MTSS1: variants seen among roughly 807,000 people sequenced by gnomAD.
MTSS1 encodes the protein MTSS I-BAR domain containing 1.
MTSS1 carries 18 observed loss-of-function variants against 79.0 expected under a neutral mutation model. The ratio of observed to expected loss-of-function variants is 0.23; its 90% CI spans 0.16 to 0.34. The LOEUF (loss-of-function observed/expected upper bound fraction) is 0.34. Ranked by LOEUF, MTSS1 falls within the 10% of genes least tolerant of loss-of-function variation. The probability of loss-of-function intolerance (pLI) is 1.00; values close to 1 mark genes in which losing one functional copy is unlikely to be tolerated. For missense variants in MTSS1, 815 were observed against 986.2 expected (o/e 0.83, Z 2.33); for synonymous variants, 341 against 368.6 (o/e 0.93, Z 0.86).
chr8:124,722,243 T>A (rs186363681), intron 1 of MTSS1, among the ~76,000 whole-genome samples: 3 of 152,226 alleles, frequency 2.0e-5, no homozygotes, highest in African/African-American at 7.2e-5. Flanking sequence ...GCCCATCCAC[T>A]TCTTCAAACA....
chr8:124,676,966 G>A (rs1216964444), intron 3 of MTSS1, among the ~76,000 whole-genome samples: 4 of 152,128 alleles, frequency 2.6e-5, no homozygotes, highest in Non-Finnish European at 5.9e-5. Flanking sequence ...TTCTCATACT[G>A]TGTTCCCCAT....
intron 7 of MTSS1, chr8:124,567,500 AG>A: frequency 1.2e-6 from 1 of 864,320 alleles, no homozygotes; most frequent in East Asian, 2.8e-5. Context: ...CCTGCAGCAC[AG>A]CCCTCTTCAT....
At chr8:124,600,533 A>T (rs1833610814) in intron 3 of MTSS1, among the ~76,000 whole-genome samples, 2 of 152,224 alleles carry the variant, frequency 1.3e-5, no homozygotes, top group Admixed American at 6.5e-5. Flanking sequence ...AGAGAAAATA[A>T]GGAGCACTGG....
chr8:124,696,279 G>A (rs547454474), intron 3 of MTSS1, among the ~76,000 whole-genome samples: 7 of 152,106 alleles, frequency 4.6e-5, no homozygotes, highest in Admixed American at 2.6e-4. Flanking sequence ...GAGCCACTGC[G>A]CCCAGCCTAC....
intron 3 of MTSS1, among the ~76,000 whole-genome samples, chr8:124,657,786 T>C (rs1441172892): frequency 6.6e-6 from 1 of 152,212 alleles, no homozygotes; most frequent in Non-Finnish European, 1.5e-5. Context: ...TACCCATTAT[T>C]GGCCCATTTC....
chr8:124,648,951 C>T (rs1819484398), intron 3 of MTSS1, among the ~76,000 whole-genome samples: 1 of 152,242 alleles, frequency 6.6e-6, no homozygotes, highest in Admixed American at 6.5e-5. Flanking sequence ...AGACATACTC[C>T]AAGTAGGAAT....
At chr8:124,677,823 TTAG>T (rs1825553515) in intron 3 of MTSS1, among the ~76,000 whole-genome samples, 1 of 152,210 alleles carries the variant, frequency 6.6e-6, no homozygotes, top group African/African-American at 2.4e-5. Context: ...AAAGAGTCCT[TTAG>T]TCACCTGTTG....
chr8:124,569,606 C>A (rs530461878), intron 6 of MTSS1, among the ~76,000 whole-genome samples: 3 of 152,234 alleles, frequency 2.0e-5, no homozygotes, highest in Non-Finnish European at 2.9e-5. Flanking sequence ...AGGGGCCTTA[C>A]CTATCACTCA....
intron 3 of MTSS1, among the ~76,000 whole-genome samples, chr8:124,607,392 A>C (rs1419515506): frequency 6.6e-6 from 1 of 152,054 alleles, no homozygotes; most frequent in African/African-American, 2.4e-5. Flanking sequence ...CCTCCTCTCT[A>C]TCTCTTCAAT....
intron 3 of MTSS1, among the ~76,000 whole-genome samples, chr8:124,646,541 T>G (rs944958122): frequency 6.6e-6 from 1 of 152,190 alleles, no homozygotes; most frequent in Non-Finnish European, 1.5e-5. Flanking sequence ...AGACAACTTG[T>G]AAGAAATGCA....
intron 3 of MTSS1, among the ~76,000 whole-genome samples, chr8:124,650,265 A>G (rs570423399): frequency 6.6e-6 from 1 of 152,184 alleles, no homozygotes; most frequent in South Asian, 2.1e-4. Flanking sequence ...TCCTGACCTC[A>G]TGATCTGCTT....
At chr8:124,656,370 A>G (rs1344249087) in intron 3 of MTSS1, among the ~76,000 whole-genome samples, 2 of 152,222 alleles carry the variant, frequency 1.3e-5, no homozygotes, top group Non-Finnish European at 2.9e-5. Flanking sequence ...ATCCATTCAT[A>G]GGAGGAAAAC....
chr8:124,670,709 C>T (rs1180154503), intron 3 of MTSS1, among the ~76,000 whole-genome samples: 1 of 152,080 alleles, frequency 6.6e-6, no homozygotes, highest in African/African-American at 2.4e-5. Flanking sequence ...GCAGTGAAGT[C>T]AGAGGTTAAG....
chr8:124,562,324 C>G (rs1009468007), intron 10 of MTSS1, among the ~76,000 whole-genome samples: 2 of 152,192 alleles, frequency 1.3e-5, no homozygotes, highest in Admixed American at 1.3e-4. Flanking sequence ...ATTCTCAACA[C>G]AGATTGATAA....
chr8:124,674,731 C>CT (rs112138254), intron 3 of MTSS1, among the ~76,000 whole-genome samples: 91 of 149,344 alleles, frequency 6.1e-4, no homozygotes, highest in African/African-American at 1.3e-3. Context: ...TCTTATCATT[C>CT]TTTTTTTTTT....
chr8:124,697,423 G>T (rs1199106815), intron 3 of MTSS1, among the ~76,000 whole-genome samples: 1 of 152,106 alleles, frequency 6.6e-6, no homozygotes, highest in Non-Finnish European at 1.5e-5. Flanking sequence ...AGTCGGGCGT[G>T]GTGGCACATG....
chr8:124,552,894 A>G lies in MTSS1; in HGVS notation c.*98T>C. The G allele has an allele frequency of 7.8e-7, 1 of 1,288,716 alleles. No homozygotes were observed. The highest frequency in any genetic ancestry group is 2.4e-5 in the East Asian group (1 of 42,288). 79.8% of individuals were successfully genotyped at this position (1,288,716 alleles called of 1,614,324 possible). On this transcript the variant is annotated 3_prime_UTR_variant, in exon 14 of 14. Coordinates refer to ENST00000518547, the MANE Select transcript of MTSS1 (RefSeq NM_014751.6). ...AAAAGAGCTATATTCCGAGTTGCCT[A>G]CAAAATCTTTTGTTTTATTATAGAG...
intron 3 of MTSS1, among the ~76,000 whole-genome samples, chr8:124,685,895 C>T (rs955948136): frequency 7.2e-5 from 11 of 152,148 alleles, no homozygotes; most frequent in Non-Finnish European, 1.5e-4. Flanking sequence ...GGGGACAGGC[C>T]ACGCGGGGTG....
At chr8:124,699,740 T>C in intron 2 of MTSS1, 141 bp from the exon 3 acceptor site, 1 of 749,320 alleles carries the variant, frequency 1.3e-6, no homozygotes, top group Non-Finnish European at 2.2e-6. Context: ...ACAACCACTG[T>C]CTTGCTGAAC....
Sources: gnomAD v4.1 joint callset for allele counts (sites outside exome capture counted in the v4.1 genomes callset) on GRCh38, gnomAD v4.1.1 for gene constraint, MANE v1.5 for transcripts, NCBI Gene and HGNC (gene_info 2026-07-23, HGNC 2026-07-21) for gene names.